Variants in ASB3 observed in about 807,000 individuals in gnomAD.
ASB3 encodes the protein ankyrin repeat and SOCS box containing 3, also known as ankyrin repeat and SOCS box protein 3.
In ASB3, 41 loss-of-function variants were observed where a neutral mutation model predicts 54.5. The ratio of observed to expected loss-of-function variants is 0.75; its 90% CI spans 0.59 to 0.98. ASB3 has a LOEUF of 0.98. ASB3 is among the 50% of genes least tolerant of loss of function. The pLI, the probability that ASB3 is intolerant of heterozygous loss-of-function variation, is 0.00. For missense variants in ASB3, 733 were observed against 620.0 expected, an observed-to-expected ratio of 1.18 and a Z score of -1.94; for synonymous variants, 266 against 221.2, an observed-to-expected ratio of 1.20 and a Z score of -1.80.
chr2:53,691,889 T>C (rs1274517951), intron 9 of ASB3, among the ~76,000 whole-genome samples: 1 of 152,144 alleles, frequency 6.6e-6, no homozygotes, highest in Non-Finnish European at 1.5e-5. Context: ...GGAGGAAGAA[T>C]ACAAGCTTTC....
intron 3 of ASB3, among the ~76,000 whole-genome samples, chr2:53,736,342 C>G (rs1395288234): frequency 6.6e-6 from 1 of 152,120 alleles, no homozygotes; most frequent in East Asian, 1.9e-4. Context: ...GAGTAAGTAT[C>G]CGGCAGGGAT....
intron 3 of ASB3, among the ~76,000 whole-genome samples, chr2:53,733,583 C>A (rs1238031261): frequency 6.6e-6 from 1 of 151,930 alleles, no homozygotes; most frequent in Non-Finnish European, 1.5e-5. Context: ...CTGGGACTAC[C>A]AGCATGTGAC....
At chr2:53,710,245 A>T (rs1670019686) in intron 7 of ASB3, among the ~76,000 whole-genome samples, 1 of 152,168 alleles carries the variant, frequency 6.6e-6, no homozygotes, top group South Asian at 2.1e-4. Flanking sequence ...AATAATTTCT[A>T]ATGGTTTACT....
chr2:53,747,875 A>G (rs1238461261), intron 3 of ASB3, among the ~76,000 whole-genome samples: 5 of 152,228 alleles, frequency 3.3e-5, no homozygotes, highest in African/African-American at 9.6e-5. Flanking sequence ...TAATGTCTTC[A>G]TGTTTTTCTA....
At chr2:53,729,074 C>G (rs1671160496) in intron 4 of ASB3, among the ~76,000 whole-genome samples, 1 of 152,084 alleles carries the variant, frequency 6.6e-6, no homozygotes, top group African/African-American at 2.4e-5. Flanking sequence ...ACACTGATCT[C>G]TAGGAATTAT....
intron 3 of ASB3, among the ~76,000 whole-genome samples, chr2:53,737,138 A>G (rs1043430722): frequency 1.3e-5 from 2 of 152,228 alleles, no homozygotes; most frequent in African/African-American, 4.8e-5. Context: ...AGAGTGGACA[A>G]AATATATAAG....
At chr2:53,713,295 G>C (rs1019766572) in intron 7 of ASB3, among the ~76,000 whole-genome samples, 9 of 152,210 alleles carry the variant, frequency 5.9e-5, no homozygotes, top group African/African-American at 1.4e-4. Flanking sequence ...AAATTAAATA[G>C]AGATTCATAA....
chr2:53,739,288 T>C (rs1366202294), intron 3 of ASB3, among the ~76,000 whole-genome samples: 1 of 152,198 alleles, frequency 6.6e-6, no homozygotes, highest in East Asian at 1.9e-4. Flanking sequence ...AACTCAGTTG[T>C]GGCATGCAAC....
intron 3 of ASB3, among the ~76,000 whole-genome samples, chr2:53,743,666 T>C (rs761264378): frequency 6.6e-6 from 1 of 152,182 alleles, no homozygotes; most frequent in African/African-American, 2.4e-5. Context: ...ACTAATAAAA[T>C]AACACATTAT....
At chr2:53,771,547 C>T (rs538037952) in intron 1 of ASB3, among the ~76,000 whole-genome samples, 2 of 152,230 alleles carry the variant, frequency 1.3e-5, no homozygotes, top group Admixed American at 1.3e-4. Flanking sequence ...AAAACTATAA[C>T]ATTCTTTTTT....
At chr2:53,671,235 C>T (rs1667794046) in intron 9 of ASB3, among the ~76,000 whole-genome samples, 1 of 152,078 alleles carries the variant, frequency 6.6e-6, no homozygotes, top group South Asian at 2.1e-4. Context: ...TCTTCATTAA[C>T]TTCATGAAGT....
At chr2:53,719,553 C>T (rs1441371220) in intron 5 of ASB3, among the ~76,000 whole-genome samples, 1 of 152,062 alleles carries the variant, frequency 6.6e-6, no homozygotes, top group African/African-American at 2.4e-5. Context: ...AGATAACTCC[C>T]TTCCTTCTAG....
chr2:53,690,225 G>T (rs1668835828), intron 9 of ASB3, among the ~76,000 whole-genome samples: 1 of 151,904 alleles, frequency 6.6e-6, no homozygotes, highest in Non-Finnish European at 1.5e-5. Context: ...AACAGAACAA[G>T]ACCCTGTCCC....
intron 3 of ASB3, among the ~76,000 whole-genome samples, chr2:53,734,033 GTTTAAGAACACC>G (rs1357888400): frequency 1.3e-5 from 2 of 152,212 alleles, no homozygotes; most frequent in African/African-American, 2.4e-5. Context: ...ATTGTTTGTG[GTTTAAGAACACC>G]TTTAAGCAGT....
intron 5 of ASB3, among the ~76,000 whole-genome samples, chr2:53,723,159 G>T (rs1219033803): frequency 1.3e-5 from 2 of 151,970 alleles, no homozygotes. Flanking sequence ...TCTACAAGGA[G>T]AACTACAAAA....
At chr2:53,707,155 C>T (rs1669824816) in intron 7 of ASB3, among the ~76,000 whole-genome samples, 1 of 152,200 alleles carries the variant, frequency 6.6e-6, no homozygotes, top group Non-Finnish European at 1.5e-5. Flanking sequence ...GCTAGCCACA[C>T]ATGACTCTTG....
At chr2:53,724,014 T>C (rs1227427940) in intron 5 of ASB3, among the ~76,000 whole-genome samples, 1 of 152,148 alleles carries the variant, frequency 6.6e-6, no homozygotes, top group Non-Finnish European at 1.5e-5. Context: ...AACACTGTTC[T>C]GGACATCGGC....
chr2:53,704,035 A>G (rs1212031025), intron 7 of ASB3, among the ~76,000 whole-genome samples: 1 of 152,158 alleles, frequency 6.6e-6, no homozygotes, highest in Non-Finnish European at 1.5e-5. Context: ...TAACTGGTAA[A>G]AGTGATATAG....
intron 3 of ASB3, chr2:53,748,190 C>T (rs1179981419): frequency 6.6e-6 from 1 of 152,214 alleles, no homozygotes; most frequent in Non-Finnish European, 1.5e-5. Flanking sequence ...GTTATTGTTA[C>T]TGTTAATACA....
Sources: gnomAD v4.1 joint callset for allele counts (sites outside exome capture counted in the v4.1 genomes callset) on GRCh38, gnomAD v4.1.1 for gene constraint, MANE v1.5 for transcripts, NCBI Gene and HGNC (gene_info 2026-07-23, HGNC 2026-07-21) for gene names.